ZNF407: variants seen among roughly 807,000 people sequenced by gnomAD.
ZNF407 encodes the protein zinc finger protein 407.
Under a neutral mutation model 131.2 loss-of-function variants are expected in ZNF407, and 17 were observed. That is an observed-to-expected ratio of 0.13 (90% CI 0.09 to 0.19). The LOEUF (loss-of-function observed/expected upper bound fraction) is 0.19, where lower values mean the gene tolerates loss of function less well. Ranked by LOEUF, ZNF407 falls within the 10% of genes least tolerant of loss-of-function variation. The pLI, the probability that ZNF407 is intolerant of heterozygous loss-of-function variation, is 1.00. For synonymous variants in ZNF407, 1,156 were observed against 1,062.0 expected (o/e 1.09, Z -1.72); for missense variants, 2,681 against 2,830.6 (o/e 0.95, Z 1.20).
At chr18:74,909,718 A>G (rs532860501) in intron 7 of ZNF407, among the ~76,000 whole-genome samples, 376 of 152,160 alleles carry the variant, frequency 2.5e-3, no homozygotes, top group Non-Finnish European at 4.3e-3. Context: ...TATTTTTTGG[A>G]GAAGGGTTTT....
intron 8 of ZNF407, among the ~76,000 whole-genome samples, chr18:74,942,465 G>A (rs974083377): frequency 3.3e-5 from 5 of 152,198 alleles, no homozygotes; most frequent in Admixed American, 6.5e-5. Flanking sequence ...ACCCAGTCTT[G>A]ATGCGAATCA....
intron 8 of ZNF407, among the ~76,000 whole-genome samples, chr18:75,030,706 C>T (rs574102927): frequency 1.2e-4 from 18 of 152,138 alleles, no homozygotes; most frequent in East Asian, 5.8e-4. Context: ...CCATGCTGGG[C>T]GTGCTTCTGA....
At chr18:74,610,419 T>TGCAAGCAGCC (rs1274964569) in intron 1 of ZNF407, among the ~76,000 whole-genome samples, 1 of 152,180 alleles carries the variant, frequency 6.6e-6, no homozygotes, top group African/African-American at 2.4e-5. Flanking sequence ...CGTGCATGCG[T>TGCAAGCAGCC]GCAAGCAGCT....
chr18:75,032,352 T>C (rs1174404861), intron 8 of ZNF407, among the ~76,000 whole-genome samples: 1 of 152,182 alleles, frequency 6.6e-6, no homozygotes, highest in Non-Finnish European at 1.5e-5. Flanking sequence ...TGCCCTCAGC[T>C]CCTTCATCCC....
chr18:74,623,033 CAT>C (rs1568373411), intron 1 of ZNF407, among the ~76,000 whole-genome samples: 1 of 150,790 alleles, frequency 6.6e-6, no homozygotes, highest in Non-Finnish European at 1.5e-5. Flanking sequence ...TGTGTGAGTG[CAT>C]GTGTGTGTGA....
intron 8 of ZNF407, among the ~76,000 whole-genome samples, chr18:75,034,554 G>A (rs181709886): frequency 2.2e-3 from 326 of 151,080 alleles, no homozygotes; most frequent in Non-Finnish European, 3.5e-3. Flanking sequence ...CGCCCGTCTC[G>A]GCCTCCCAAA....
At chr18:74,997,884 C>T (rs9961675) in intron 8 of ZNF407, among the ~76,000 whole-genome samples, 25,725 of 152,170 alleles carry the variant, frequency 0.17, 2,372 homozygotes, top group Admixed American at 0.29. Context: ...GACATTTTTT[C>T]TACTCAATCT....
intron 4 of ZNF407, among the ~76,000 whole-genome samples, chr18:74,785,761 G>C (rs189524783): frequency 4.1e-5 from 6 of 147,180 alleles, no homozygotes; most frequent in Non-Finnish European, 9.0e-5. Flanking sequence ...CTGGCATGCA[G>C]ATGTCACTCA....
intron 8 of ZNF407, among the ~76,000 whole-genome samples, chr18:75,006,138 C>T (rs1022408636): frequency 8.5e-5 from 13 of 152,244 alleles, no homozygotes; most frequent in Non-Finnish European, 1.5e-4. Flanking sequence ...GGAGCTGCGA[C>T]GTGCAGTCCT....
intron 3 of ZNF407, among the ~76,000 whole-genome samples, chr18:74,740,739 C>T (rs1313489829): frequency 1.3e-5 from 2 of 152,088 alleles, no homozygotes; most frequent in Non-Finnish European, 2.9e-5. Context: ...ATGGATACTG[C>T]CTCCTCCCCT....
chr18:74,771,780 G>A (rs1048622311), intron 3 of ZNF407, among the ~76,000 whole-genome samples: 2 of 151,184 alleles, frequency 1.3e-5, no homozygotes, highest in Non-Finnish European at 2.9e-5. Flanking sequence ...TGTTTCATAG[G>A]TCATTAATTT....
At chr18:75,030,306 T>A (rs558787710) in intron 8 of ZNF407, among the ~76,000 whole-genome samples, 2 of 152,314 alleles carry the variant, frequency 1.3e-5, no homozygotes, top group South Asian at 4.1e-4. Context: ...GTATTATACA[T>A]TATTATTATA....
intron 7 of ZNF407, chr18:74,898,184 C>T (rs926692237): frequency 6.6e-6 from 1 of 152,164 alleles, no homozygotes; most frequent in African/African-American, 2.4e-5. Context: ...TCATTCCACT[C>T]CCTCTAGGCA....
intron 3 of ZNF407, among the ~76,000 whole-genome samples, chr18:74,684,431 G>C (rs1337686795): frequency 4.6e-5 from 7 of 152,070 alleles, no homozygotes; most frequent in Admixed American, 3.9e-4. Context: ...TATTTAAAAA[G>C]ATGAATACTT....
At chr18:74,748,886 T>C (rs1385608726) in intron 3 of ZNF407, among the ~76,000 whole-genome samples, 2 of 152,212 alleles carry the variant, frequency 1.3e-5, no homozygotes, top group Non-Finnish European at 2.9e-5. Flanking sequence ...CTGTGTGTTA[T>C]CACCTCCTGT....
At chr18:74,937,549 C>T (rs368240445) in intron 8 of ZNF407, among the ~76,000 whole-genome samples, 12 of 152,090 alleles carry the variant, frequency 7.9e-5, no homozygotes, top group Admixed American at 2.6e-4. Context: ...AGTCAGGGTT[C>T]GACCACAGAA....
chr18:74,622,352 C>T (rs1420923969), intron 1 of ZNF407, among the ~76,000 whole-genome samples: 1 of 152,230 alleles, frequency 6.6e-6, no homozygotes, highest in Non-Finnish European at 1.5e-5. Context: ...CGAGTGGCCC[C>T]CTAGTTTCTA....
chr18:74,645,959 C>A (rs1334261386), intron 3 of ZNF407, among the ~76,000 whole-genome samples: 5 of 152,110 alleles, frequency 3.3e-5, no homozygotes, highest in African/African-American at 1.2e-4. Context: ...ATTATTTAAA[C>A]CTCTAATGGT....
chr18:74,763,906 G>A (rs1261253553), intron 3 of ZNF407, among the ~76,000 whole-genome samples: 2 of 151,286 alleles, frequency 1.3e-5, no homozygotes, highest in Admixed American at 1.3e-4. Flanking sequence ...GTAGAGACGG[G>A]GTTTCACCGT....
Sources: gnomAD v4.1 joint callset for allele counts (sites outside exome capture counted in the v4.1 genomes callset) on GRCh38, gnomAD v4.1.1 for gene constraint, MANE v1.5 for transcripts, NCBI Gene and HGNC (gene_info 2026-07-23, HGNC 2026-07-21) for gene names.